The following FRMPD4 variants were observed in gnomAD, a reference collection of about 807,000 sequenced individuals.
The protein encoded by FRMPD4 is FERM and PDZ domain-containing protein 4.
A neutral mutation model predicts 94.1 loss-of-function variants in FRMPD4; 22 were observed. That is an observed-to-expected ratio of 0.23 (90% CI 0.17 to 0.33). The LOEUF is 0.33. Ranked by LOEUF, FRMPD4 falls within the 10% of genes least tolerant of loss-of-function variation. FRMPD4 has a pLI of 1.00. For missense variants in FRMPD4, 1,111 were observed against 1,339.9 expected (o/e 0.83, Z 2.67); for synonymous variants, 631 against 548.6 (o/e 1.15, Z -2.10).
chrX:12,214,490 C>T (rs1378522793), intron 1 of FRMPD4, among the ~76,000 whole-genome samples: 1 of 112,048 alleles, frequency 8.9e-6, no homozygotes, highest in Non-Finnish European at 1.9e-5. Context: ...GCTAAAAGCA[C>T]AATATCAAAT....
At chrX:12,339,245 G>A (rs1271911715) in intron 1 of FRMPD4, among the ~76,000 whole-genome samples, 3 of 111,859 alleles carry the variant, frequency 2.7e-5, no homozygotes, top group Non-Finnish European at 5.6e-5. Context: ...AATGTTCCAA[G>A]GCATTTTTCT....
At chrX:11,856,555 T>G (rs1322272948) in intron 1 of FRMPD4, among the ~76,000 whole-genome samples, 3 of 111,834 alleles carry the variant, frequency 2.7e-5, no homozygotes, top group African/African-American at 9.8e-5. Flanking sequence ...AGGAGTGTAC[T>G]TCAAAATAAT....
chrX:12,087,218 C>A (rs1024197763), intron 3 of FRMPD4, among the ~76,000 whole-genome samples: 2 of 111,315 alleles, frequency 1.8e-5, no homozygotes, highest in Non-Finnish European at 3.8e-5. Flanking sequence ...AGGGTGTGTC[C>A]ACCAAGAATA....
Position 12,388,850 on chromosome X carries a change from T to TATATATATATACAC in FRMPD4, c.42-109829_42-109828insTATATATATACACA, listed in dbSNP as rs1491368741. On this transcript the variant is annotated intron_variant, in intron 1 of 16. Transcript: ENST00000675598. ...ATATATATATATATATATATATATA[T>TATATATATATACAC]ACACACAATGGAGTACTATTCAGCC... Among the ~76,000 whole-genome samples the TATATATATATACAC allele has an allele frequency of 1.0e-3, 77 of 73,430 alleles. 1 individual carries two copies. The highest frequency in any genetic ancestry group is 4.7e-3 in the African/African-American group (73 of 15,545). 63.8% of individuals were successfully genotyped at this position (73,430 alleles called of 115,157 possible).
chrX:12,460,399 A>T (rs1356239843), intron 1 of FRMPD4, among the ~76,000 whole-genome samples: 5 of 111,817 alleles, frequency 4.5e-5, no homozygotes, highest in Admixed American at 2.9e-4. Flanking sequence ...CTTAGTTCTT[A>T]TGTTTGGAGA....
chrX:12,492,110 C>T (rs910086255), intron 1 of FRMPD4, among the ~76,000 whole-genome samples: 21 of 111,927 alleles, frequency 1.9e-4, no homozygotes, highest in African/African-American at 5.8e-4. Flanking sequence ...ATGTCCAATT[C>T]GGGGCAGGGC....
intron 2 of FRMPD4, among the ~76,000 whole-genome samples, chrX:12,543,298 G>A (rs773615383): frequency 3.7e-3 from 413 of 111,054 alleles, no homozygotes; most frequent in Non-Finnish European, 5.8e-3. Context: ...CAGAGTGAAC[G>A]GGCAACCTAC....
intron 3 of FRMPD4, among the ~76,000 whole-genome samples, chrX:12,109,193 T>C (rs780032557): frequency 7.2e-5 from 8 of 111,802 alleles, no homozygotes; most frequent in Non-Finnish European, 1.5e-4. Context: ...CCTCAGCAAA[T>C]GTAAAAGAAC....
chrX:12,583,512 C>T (rs1227191117), intron 2 of FRMPD4: 3 of 1,103,581 alleles, frequency 2.7e-6, no homozygotes, highest in Admixed American at 2.3e-5. Context: ...TTCTACGTGC[C>T]GGGAGCGTTC....
chrX:12,561,012 G>A (rs1291193481), intron 2 of FRMPD4, among the ~76,000 whole-genome samples: 2 of 107,628 alleles, frequency 1.9e-5, no homozygotes, highest in East Asian at 2.9e-4. Context: ...CTCGTGATCC[G>A]CCCGCCTCGG....
At chrX:12,043,906 TG>T (rs758806663) in intron 3 of FRMPD4, among the ~76,000 whole-genome samples, 7 of 112,187 alleles carry the variant, frequency 6.2e-5, no homozygotes, top group African/African-American at 9.7e-5. Context: ...TCAATTTTAC[TG>T]TTTTTTTAGT....
chrX:11,862,590 T>C (rs950066996), intron 1 of FRMPD4, among the ~76,000 whole-genome samples: 1 of 111,055 alleles, frequency 9.0e-6, no homozygotes, highest in African/African-American at 3.3e-5. Context: ...TTGTAGATGA[T>C]GCACCATAAA....
intron 4 of FRMPD4, among the ~76,000 whole-genome samples, chrX:12,630,245 T>C (rs886852703): frequency 8.9e-6 from 1 of 112,691 alleles, no homozygotes; most frequent in Non-Finnish European, 1.9e-5. Context: ...GCCCAGATAG[T>C]AAATATTTTA....
At chrX:12,506,908 C>A (rs2148241196) in intron 2 of FRMPD4, among the ~76,000 whole-genome samples, 1 of 112,207 alleles carries the variant, frequency 8.9e-6, no homozygotes, top group South Asian at 3.8e-4. Flanking sequence ...GAACAGTGGG[C>A]TGCCCTATCT....
At chrX:11,974,441 G>A (rs750560076) in intron 3 of FRMPD4, among the ~76,000 whole-genome samples, 83 of 111,891 alleles carry the variant, frequency 7.4e-4, no homozygotes, top group Non-Finnish European at 1.4e-3. Context: ...TGATGCAGAT[G>A]CTGGCACCAT....
At chrX:12,065,454 A>G (rs1049840962) in intron 3 of FRMPD4, among the ~76,000 whole-genome samples, 2 of 112,274 alleles carry the variant, frequency 1.8e-5, no homozygotes, top group South Asian at 3.7e-4. Context: ...GGACAGTTCC[A>G]TTGAAAAGGC....
intron 1 of FRMPD4, among the ~76,000 whole-genome samples, chrX:12,392,335 C>T (rs1221535741): frequency 1.9e-5 from 2 of 104,583 alleles, no homozygotes; most frequent in Non-Finnish European, 3.9e-5. Context: ...GCCACCGCAC[C>T]CAGTCAATTT....
chrX:12,561,687 TAC>T (rs747782255), intron 2 of FRMPD4, among the ~76,000 whole-genome samples: 5 of 112,443 alleles, frequency 4.4e-5, no homozygotes, highest in Non-Finnish European at 9.4e-5. Context: ...AAGGGATCGT[TAC>T]AATAGTTAAT....
intron 3 of FRMPD4, among the ~76,000 whole-genome samples, chrX:12,127,469 T>C (rs2055510165): frequency 9.0e-6 from 1 of 111,471 alleles, no homozygotes; most frequent in South Asian, 3.8e-4. Context: ...AAGAGCAGCA[T>C]AGGGGTAACT....
Sources: gnomAD v4.1 joint callset for allele counts (sites outside exome capture counted in the v4.1 genomes callset) on GRCh38, gnomAD v4.1.1 for gene constraint, MANE v1.5 for transcripts, NCBI Gene and HGNC (gene_info 2026-07-23, HGNC 2026-07-21) for gene names.